Variants in PTPRD observed in about 807,000 individuals in gnomAD.
The protein encoded by PTPRD is receptor-type tyrosine-protein phosphatase delta.
PTPRD carries 34 observed loss-of-function variants against 214.5 expected under a neutral mutation model. That is an observed-to-expected ratio of 0.16 (90% CI 0.12 to 0.21). PTPRD has a LOEUF of 0.21. Among genes scored for constraint, PTPRD ranks in the 10% least tolerant of loss-of-function variants. The probability of loss-of-function intolerance (pLI) is 1.00; values close to 1 mark genes in which losing one functional copy is unlikely to be tolerated. For synonymous variants in PTPRD, 1,128 were observed against 845.7 expected, an observed-to-expected ratio of 1.33 and a Z score of -5.79; for missense variants, 2,545 against 2,398.7, an observed-to-expected ratio of 1.06 and a Z score of -1.27.
intron 2 of PTPRD, among the ~76,000 whole-genome samples, chr9:10,342,146 T>G (rs1380113566): frequency 1.3e-5 from 2 of 152,018 alleles, no homozygotes; most frequent in Non-Finnish European, 2.9e-5. Context: ...AGCTAATTAG[T>G]ATGGACTTCA....
At chr9:8,636,142 C>T (rs1465197155) in intron 13 of PTPRD, among the ~76,000 whole-genome samples, 1 of 152,190 alleles carries the variant, frequency 6.6e-6, no homozygotes, top group East Asian at 1.9e-4. Flanking sequence ...ACTTCATTTG[C>T]TGCTTAGCAT....
chr9:8,480,369 T>G (rs1350836141), intron 30 of PTPRD, among the ~76,000 whole-genome samples: 1 of 152,176 alleles, frequency 6.6e-6, no homozygotes, highest in Non-Finnish European at 1.5e-5. Context: ...ACTGCTGAAC[T>G]AATAAGCCGG....
intron 12 of PTPRD, among the ~76,000 whole-genome samples, chr9:8,671,732 AAG>A (rs924470173): frequency 2.6e-5 from 4 of 152,190 alleles, no homozygotes; most frequent in African/African-American, 9.6e-5. Context: ...CTATTGCTTG[AAG>A]AGACTGCTGC....
At chr9:9,084,043 C>T (rs1372954677) in intron 10 of PTPRD, among the ~76,000 whole-genome samples, 2 of 152,110 alleles carry the variant, frequency 1.3e-5, no homozygotes, top group Admixed American at 6.5e-5. Flanking sequence ...CCCAGCAATC[C>T]CATTTCTGGG....
At chr9:8,956,167 G>C (rs904837029) in intron 11 of PTPRD, among the ~76,000 whole-genome samples, 2 of 151,814 alleles carry the variant, frequency 1.3e-5, no homozygotes, top group Non-Finnish European at 2.9e-5. Context: ...CAAAGAGTGT[G>C]GGGTGAGTGA....
chr9:10,269,795 G>GA (rs1201721904), intron 3 of PTPRD, among the ~76,000 whole-genome samples: 1 of 151,214 alleles, frequency 6.6e-6, no homozygotes, highest in Admixed American at 6.6e-5. Context: ...AAAATCTTCT[G>GA]AAAAAAGAAA....
chr9:9,595,466 G>A (rs2093249293), intron 7 of PTPRD, among the ~76,000 whole-genome samples: 1 of 149,930 alleles, frequency 6.7e-6, no homozygotes, highest in Non-Finnish European at 1.5e-5. Context: ...GTACGCATAT[G>A]TACACATGCA....
At position 9,274,085 on chromosome 9, in the gene PTPRD, T is replaced by A. The variant is rs559155667; in HGVS notation, c.-202-90722A>T. Among the ~76,000 whole-genome samples, 6 of 151,320 alleles carry A rather than the reference T, an allele frequency of 4.0e-5. No individual in the cohort carries two copies. The South Asian group carries it at 8.3e-4, about 21-fold the overall frequency. Reference sequence around the variant, plus strand: ...CTTCTCTCCCTGTATACTATTTTTTTAAAATTCTCTCTTTCACTTGGATGT... The same window carrying A: ...CTTCTCTCCCTGTATACTATTTTTTAAAAATTCTCTCTTTCACTTGGATGT... On this transcript the variant is annotated intron_variant, in intron 9 of 45. Transcript: ENST00000381196.
At chr9:9,415,960 G>T (rs1167495991) in intron 8 of PTPRD, among the ~76,000 whole-genome samples, 1 of 152,144 alleles carries the variant, frequency 6.6e-6, no homozygotes, top group African/African-American at 2.4e-5. Context: ...GAGTAACAGT[G>T]AGTAATGTCT....
intron 21 of PTPRD, 50 bp downstream of exon 21, chr9:8,517,796 CTT>C: frequency 1.3e-6 from 2 of 1,499,856 alleles, no homozygotes; most frequent in Non-Finnish European, 1.8e-6. Flanking sequence ...CTTCTCACCT[CTT>C]TGCACCAGCC....
rs1014208805 is a variant in PTPRD at position 9,911,378 on chromosome 9, G to A, written c.-368+27129C>T. 2.7e-5 allele frequency among the ~76,000 whole-genome samples: 4 copies of A among 150,088 alleles called. 1 individual carries two copies. The highest frequency in any genetic ancestry group is 1.3e-4 in the Admixed American group (2 of 14,978). On this transcript the variant is annotated intron_variant, in intron 5 of 45. Transcript: ENST00000381196. ...CTTCCAAACTTGTTTGAATGCAAAT[G>A]TGCATGAAAATGAACATTAGCCACA... is the stretch of plus-strand genomic sequence containing the variant.
intron 5 of PTPRD, among the ~76,000 whole-genome samples, chr9:9,830,091 T>C (rs2054312703): frequency 6.6e-6 from 1 of 151,708 alleles, no homozygotes; most frequent in Admixed American, 6.6e-5. Context: ...TAAGTAAAAA[T>C]AATATTGTTT....
intron 3 of PTPRD, among the ~76,000 whole-genome samples, chr9:10,183,681 A>G (rs958319757): frequency 4.6e-5 from 7 of 152,306 alleles, no homozygotes; most frequent in African/African-American, 1.4e-4. Flanking sequence ...AGGAGAGATG[A>G]AAAATGAAAA....
At chr9:8,929,481 T>C (rs1018073470) in intron 11 of PTPRD, among the ~76,000 whole-genome samples, 1 of 151,980 alleles carries the variant, frequency 6.6e-6, no homozygotes, top group African/African-American at 2.4e-5. Context: ...GTTTATGTGA[T>C]GGATTACATT....
intron 4 of PTPRD, among the ~76,000 whole-genome samples, chr9:9,942,414 T>TA (rs772672654): frequency 6.6e-6 from 1 of 152,120 alleles, no homozygotes; most frequent in Non-Finnish European, 1.5e-5. Flanking sequence ...CAAAACGATT[T>TA]AAAAAACCCC....
intron 35 of PTPRD, among the ~76,000 whole-genome samples, chr9:8,434,869 G>A (rs772901142): frequency 6.6e-6 from 1 of 152,124 alleles, no homozygotes; most frequent in Non-Finnish European, 1.5e-5. Context: ...TGTTTTAAAG[G>A]ATACTGCATA....
chr9:10,382,647 C>G (rs185397470), intron 2 of PTPRD, among the ~76,000 whole-genome samples: 3 of 151,742 alleles, frequency 2.0e-5, no homozygotes, highest in South Asian at 4.1e-4. Flanking sequence ...ATCAGCATAC[C>G]AGTATATATC....
intron 10 of PTPRD, among the ~76,000 whole-genome samples, chr9:9,041,873 AAGT>A (rs1320076707): frequency 6.6e-6 from 1 of 152,168 alleles, no homozygotes; most frequent in African/African-American, 2.4e-5. Context: ...GGAAAAATAA[AAGT>A]TTACATTTCC....
At chr9:10,004,993 C>A (rs1249804481) in intron 4 of PTPRD, among the ~76,000 whole-genome samples, 1 of 152,088 alleles carries the variant, frequency 6.6e-6, no homozygotes, top group Non-Finnish European at 1.5e-5. Context: ...AGTTTCATGC[C>A]ATGCTTAATA....
Sources: allele counts gnomAD v4.1 joint callset (sites outside exome capture counted in the v4.1 genomes callset), GRCh38; gene constraint gnomAD v4.1.1; transcripts MANE v1.5; gene names NCBI Gene and HGNC (gene_info 2026-07-23, HGNC 2026-07-21).